WDR19: variants seen among roughly 807,000 people sequenced by gnomAD.
WDR19 encodes WD repeat domain 19.
WDR19 carries 121 observed loss-of-function variants against 180.0 expected under a neutral mutation model. The observed-to-expected ratio is 0.67, with a 90% confidence interval of 0.58 to 0.78. WDR19 has a LOEUF of 0.78. Ranked by LOEUF, WDR19 falls within the 30% of genes least tolerant of loss-of-function variation. WDR19 has a pLI of 0.00. For synonymous variants in WDR19, 497 were observed against 540.7 expected, an observed-to-expected ratio of 0.92 and a Z score of 1.12; for missense variants, 1,450 against 1,640.7, an observed-to-expected ratio of 0.88 and a Z score of 2.01.
chr4:39,255,888 C>T lies in WDR19; in HGVS notation c.3042C>T (p.Ala1014=), dbSNP rs761990492. The change falls in exon 27 of 37, where the codon GCC becomes GCT. Residue 1014 remains alanine, a synonymous_variant. Transcript: ENST00000399820. ...DTTNEDYQSI[A]LYFEGEKRYL... ...CTAATGAAGACTATCAAAGCATTGC[C>T]TTATACTTTGAAGGAGAAAAGAGAT... 8.7e-6 allele frequency: 14 copies of T among 1,608,178 alleles called. No individual in the cohort carries two copies. The highest frequency in any genetic ancestry group is 1.7e-6 in the Non-Finnish European group (2 of 1,177,268).
At position 39,255,828 on chromosome 4, in the gene WDR19, TC is replaced by T. The variant is rs772283803; in HGVS notation, c.3002-19del. 2.1e-6 allele frequency: 3 copies of T among 1,434,382 alleles called. No individual in the cohort carries two copies. The allele number at this position is 1,434,382 out of a possible 1,614,324, so 88.9% of individuals were successfully genotyped here. ...AACAAATTTTGCTCAGATATTTTAC[TC>T]AGTAAACTTCTGTTACAGGTTCTGA... On this transcript the variant is annotated intron_variant, in intron 26 of 36. Coordinates refer to ENST00000399820, the MANE Select transcript of WDR19 (RefSeq NM_025132.4).
At position 39,205,543 on chromosome 4, in the gene WDR19, T is replaced by C; in HGVS notation, c.717-20T>C. 18 of 1,603,304 alleles carry C rather than the reference T, an allele frequency of 1.1e-5. No individual in the cohort carries two copies. The highest frequency in any genetic ancestry group is 1.5e-5 in the Non-Finnish European group (18 of 1,174,072). ...TAGCTAATCTCCTTGTTTACCATAT[T>C]GTTGCCTTCTTTGCTATAGGTATGG... On this transcript the variant is annotated intron_variant, in intron 8 of 36. Transcript: ENST00000399820.
intron 34 of WDR19, among the ~76,000 whole-genome samples, chr4:39,277,626 C>T (rs1271472861): frequency 1.3e-5 from 2 of 152,074 alleles, no homozygotes; most frequent in Non-Finnish European, 2.9e-5. Context: ...GAATATTATT[C>T]CTTTAAACAT....
At chr4:39,223,114 T>C (rs1729867933) in intron 14 of WDR19, among the ~76,000 whole-genome samples, 1 of 152,176 alleles carries the variant, frequency 6.6e-6, no homozygotes, top group Non-Finnish European at 1.5e-5. Flanking sequence ...CATTTGCCCA[T>C]TGAAGGGCAT....
chr4:39,225,011 G>A lies in WDR19; in HGVS notation c.1607G>A (p.Ser536Asn). 4 of 1,565,264 alleles carry A rather than the reference G, an allele frequency of 2.6e-6. No homozygotes were observed. The highest frequency in any genetic ancestry group is 2.3e-5 in the East Asian group (1 of 43,620). The change falls in exon 15 of 37, where the codon AGT becomes AAT. Residue 536 changes from serine (S) to asparagine (N), a missense_variant. Transcript: ENST00000399820. ...AGATTAGTTTTCATTGATGAAAAAA[G>A]TGATGGATTTGTTTACTGTCCAGTA... ...GTRLVFIDEK[S>N]DGFVYCPVND...
intron 15 of WDR19, among the ~76,000 whole-genome samples, chr4:39,226,856 T>C (rs1429581888): frequency 6.6e-6 from 1 of 152,202 alleles, no homozygotes; most frequent in Admixed American, 6.5e-5. Flanking sequence ...TTAATATATT[T>C]AATTTAACCC....
chr4:39,234,636 A>T (rs1731193859), intron 19 of WDR19, 130 bp from the exon 20 acceptor site: 3 of 682,744 alleles, frequency 4.4e-6, no homozygotes. Context: ...ATATATTATC[A>T]TTGTAAAGAT....
intron 2 of WDR19, among the ~76,000 whole-genome samples, 162 bp from the exon 3 acceptor site, chr4:39,186,377 A>AC (rs1725538242): frequency 6.7e-6 from 1 of 149,182 alleles, no homozygotes; most frequent in Non-Finnish European, 1.5e-5. Flanking sequence ...TACTTAGGAG[A>AC]CTGAGGCAGG....
At chr4:39,192,035 T>G (rs1239195094) in intron 4 of WDR19, among the ~76,000 whole-genome samples, 4 of 152,246 alleles carry the variant, frequency 2.6e-5, no homozygotes, top group Non-Finnish European at 5.9e-5. Flanking sequence ...TGGAGTCTGT[T>G]CAGTTAGCTC....
intron 24 of WDR19, among the ~76,000 whole-genome samples, chr4:39,249,775 C>T (rs1221224236): frequency 1.3e-5 from 2 of 152,180 alleles, no homozygotes; most frequent in African/African-American, 2.4e-5. Context: ...GACACATACA[C>T]TCCCCCAAGA....
intron 34 of WDR19, among the ~76,000 whole-genome samples, chr4:39,277,868 A>G (rs1332131283): frequency 6.6e-6 from 1 of 152,184 alleles, no homozygotes; most frequent in Non-Finnish European, 1.5e-5. Flanking sequence ...AGCCTGGCCA[A>G]CATGGTGAAA....
chr4:39,228,155 A>G, intron 15 of WDR19, 55 bp from the exon 16 acceptor site: 1 of 1,592,164 alleles, frequency 6.3e-7, no homozygotes, highest in Non-Finnish European at 8.6e-7. Flanking sequence ...TACCACGGCA[A>G]ATGATAATGA....
rs778387314 is a variant in WDR19 at position 39,205,628 on chromosome 4, C to T, written c.782C>T (p.Thr261Ile). The T allele has an allele frequency of 6.2e-7, 1 of 1,613,236 alleles. No homozygotes were observed. The highest frequency in any genetic ancestry group is 2.2e-5 in the East Asian group (1 of 44,852). The change falls in exon 9 of 37, where the codon ACT becomes ATT. Residue 261 changes from threonine to isoleucine, a missense_variant. Coordinates refer to ENST00000399820, the MANE Select transcript of WDR19 (RefSeq NM_025132.4). ...CGHFVVISTH[T>I]GELGQEIFQA... ...CATTTTGTGGTCATTTCTACTCATA[C>T]TGGAGAGCTTGGTCAAGAGATATTT...
intron 28 of WDR19, among the ~76,000 whole-genome samples, chr4:39,265,016 C>A (rs1043858863): frequency 4.7e-5 from 7 of 150,528 alleles, no homozygotes; most frequent in Non-Finnish European, 1.0e-4. Context: ...CTCCCAGGTT[C>A]AAGCCGATTC....
intron 6 of WDR19, among the ~76,000 whole-genome samples, chr4:39,202,685 T>A (rs1268808087): frequency 1.7e-5 from 2 of 116,004 alleles, no homozygotes; most frequent in Admixed American, 2.0e-4. Context: ...AAAGTACATA[T>A]GCACTTAAAA....
chr4:39,263,855 T>C (rs1465885327), intron 28 of WDR19, among the ~76,000 whole-genome samples: 2 of 144,170 alleles, frequency 1.4e-5, no homozygotes, highest in African/African-American at 5.2e-5. Flanking sequence ...ACCCGGGAGG[T>C]GGAGGTTGCG....
chr4:39,245,119 T>G (rs1362444810), intron 23 of WDR19, among the ~76,000 whole-genome samples: 1 of 151,580 alleles, frequency 6.6e-6, no homozygotes, highest in African/African-American at 2.4e-5. Flanking sequence ...TGTATTTTTT[T>G]TTTTTCTAGT....
At position 39,272,718 on chromosome 4, in the gene WDR19, T is replaced by C. The variant is rs35420183; in HGVS notation, c.3484-262T>C. On this transcript the variant is annotated intron_variant, in intron 31 of 36. Coordinates refer to ENST00000399820, the MANE Select transcript of WDR19 (RefSeq NM_025132.4). The stretch of plus-strand genomic sequence containing the variant: ...TCCCCCAAGAATGGCCAGTAAGAGA[T>C]AGACTGGGGATTTGAACCCATACCA... 8.5e-3 allele frequency among the ~76,000 whole-genome samples: 1,300 copies of C among 152,152 alleles called. 11 individuals carry two copies. The highest frequency in any genetic ancestry group is 0.044 in the Middle Eastern group (13 of 294).
intron 24 of WDR19, among the ~76,000 whole-genome samples, chr4:39,250,485 T>C (rs1428024355): frequency 6.6e-6 from 1 of 152,116 alleles, no homozygotes; most frequent in African/African-American, 2.4e-5. Flanking sequence ...CTATTCAACA[T>C]AGTGTTGGAA....
Sources: gnomAD v4.1 joint callset for allele counts (sites outside exome capture counted in the v4.1 genomes callset) on GRCh38, gnomAD v4.1.1 for gene constraint, MANE v1.5 for transcripts, NCBI Gene and HGNC (gene_info 2026-07-23, HGNC 2026-07-21) for gene names.